The following UBR3 variants were observed in gnomAD, a reference collection of about 807,000 sequenced individuals.
The protein encoded by UBR3 is ubiquitin protein ligase E3 component n-recognin 3.
In UBR3, 85 loss-of-function variants were observed where a neutral mutation model predicts 243.2. The ratio of observed to expected loss-of-function variants is 0.35; its 90% CI spans 0.29 to 0.42. The LOEUF is 0.42. UBR3 is among the 10% of genes least tolerant of loss of function. The probability of loss-of-function intolerance (pLI) is 1.00; values close to 1 mark genes in which losing one functional copy is unlikely to be tolerated. For missense variants in UBR3, 1,686 were observed against 2,300.8 expected, an observed-to-expected ratio of 0.73 and a Z score of 5.47; for synonymous variants, 748 against 799.8, an observed-to-expected ratio of 0.94 and a Z score of 1.09.
At chr2:169,979,756 A>C (rs2088633684) in intron 24 of UBR3, among the ~76,000 whole-genome samples, 1 of 152,238 alleles carries the variant, frequency 6.6e-6, no homozygotes, top group Non-Finnish European at 1.5e-5. Context: ...CAGGTGAATA[A>C]ATGAAACATG....
At chr2:169,949,165 T>G (rs2086907061) in intron 22 of UBR3, among the ~76,000 whole-genome samples, 1 of 152,090 alleles carries the variant, frequency 6.6e-6, no homozygotes, top group African/African-American at 2.4e-5. Context: ...ATTTATTAGC[T>G]TAGAAAATTT....
chr2:170,038,253 G>A (rs557240099), intron 31 of UBR3, among the ~76,000 whole-genome samples: 1 of 152,088 alleles, frequency 6.6e-6, no homozygotes, highest in South Asian at 2.1e-4. Flanking sequence ...AGTGAAATTG[G>A]GCTAGCTTAA....
Position 169,926,830 on chromosome 2 carries a change from T to G in UBR3, c.2205-8T>G. On this transcript the variant is annotated splice_region_variant and splice_polypyrimidine_tract_variant and intron_variant, in intron 15 of 38. Coordinates refer to ENST00000272793, the MANE Select transcript of UBR3 (RefSeq NM_172070.4). ...ATAAAAATATGTTTCAAATATTTCT[T>G]CTTGTAGATTTAAGGTAGTGGATTT... 6.5e-7 allele frequency: 1 copy of G among 1,547,276 alleles called. No individual in the cohort carries two copies. The highest frequency in any genetic ancestry group is 8.7e-7 in the Non-Finnish European group (1 of 1,144,978).
At chr2:170,020,478 G>A (rs1322317455) in intron 30 of UBR3, among the ~76,000 whole-genome samples, 1 of 152,248 alleles carries the variant, frequency 6.6e-6, no homozygotes, top group Non-Finnish European at 1.5e-5. Context: ...ATGTGCTTAG[G>A]CAAGACATTT....
intron 8 of UBR3, among the ~76,000 whole-genome samples, chr2:169,904,142 C>T (rs774177715): frequency 1.3e-5 from 2 of 151,998 alleles, no homozygotes; most frequent in African/African-American, 4.8e-5. Context: ...TTTTTCCTGG[C>T]ACTTGTTTTT....
rs571192052 is a variant in UBR3, at chr2:169,866,623, A to G, written c.546-5613A>G. On this transcript the variant is annotated intron_variant, in intron 1 of 38. Coordinates refer to ENST00000272793, the MANE Select transcript of UBR3 (RefSeq NM_172070.4). ...AGTGATTCGCCCACCTCGGCCCCCC[A>G]AAGTACTGGGATTACAGGTGTGAGC... Among the ~76,000 whole-genome samples, 26 of 152,320 alleles carry G rather than the reference A, an allele frequency of 1.7e-4. 2 individuals are homozygous for G. In the South Asian group the frequency reaches 4.6e-3, roughly 27 times the overall value.
At chr2:169,841,504 A>G (rs141729153) in intron 1 of UBR3, among the ~76,000 whole-genome samples, 6,631 of 152,158 alleles carry the variant, frequency 0.044, 166 homozygotes, top group Middle Eastern at 0.068. Flanking sequence ...GCTGGAGCCC[A>G]CTTCCTCAGC....
At chr2:169,957,016 C>T (rs1227379829) in intron 23 of UBR3, among the ~76,000 whole-genome samples, 2 of 152,148 alleles carry the variant, frequency 1.3e-5, no homozygotes, top group Non-Finnish European at 2.9e-5. Flanking sequence ...ATCAGTTCCT[C>T]TTTGAGTTTT....
intron 32 of UBR3, among the ~76,000 whole-genome samples, chr2:170,043,285 T>C (rs1183548365): frequency 6.6e-6 from 1 of 152,174 alleles, no homozygotes; most frequent in Non-Finnish European, 1.5e-5. Flanking sequence ...AAGGACCTGT[T>C]GTGTCAGTGT....
At chr2:169,852,740 A>G (rs2082698001) in intron 1 of UBR3, among the ~76,000 whole-genome samples, 1 of 148,898 alleles carries the variant, frequency 6.7e-6, no homozygotes, top group African/African-American at 2.5e-5. Flanking sequence ...AATCCCAGCT[A>G]TTCAGGAGGC....
At chr2:169,927,179 A>G in intron 16 of UBR3, 141 bp from the exon 17 acceptor site, 1 of 964,772 alleles carries the variant, frequency 1.0e-6, no homozygotes, top group Admixed American at 2.8e-5. Context: ...AACTGCAGTT[A>G]TGTTTGGAGC....
At chr2:169,884,745 T>C (rs1238287784) in intron 5 of UBR3, among the ~76,000 whole-genome samples, 1 of 151,620 alleles carries the variant, frequency 6.6e-6, no homozygotes, top group Non-Finnish European at 1.5e-5. Context: ...GTTTGCGCGA[T>C]TTATTTGGAA....
intron 20 of UBR3, among the ~76,000 whole-genome samples, chr2:169,944,425 A>T (rs1053596829): frequency 6.6e-6 from 1 of 152,162 alleles, no homozygotes; most frequent in South Asian, 2.1e-4. Flanking sequence ...ATATTTTTCA[A>T]TTTTTTGTAT....
rs746118667 is a variant in UBR3 at position 170,008,904 on chromosome 2, C to T, written c.4331C>T (p.Pro1444Leu). The change falls in exon 29 of 39, where the codon CCA becomes CTA. Residue 1444 changes from proline (P) to leucine (L), a missense_variant. Physicochemically the swap from Pro to Leu is moderately conservative, Grantham distance 98. Coordinates refer to ENST00000272793, the MANE Select transcript of UBR3 (RefSeq NM_172070.4). Reference sequence around the variant, plus strand: ...GACTATAGCAAGACCCCGGGCTCACCAGACAATGATTTTCTCTTTATGTAC... The same window carrying T: ...GACTATAGCAAGACCCCGGGCTCACTAGACAATGATTTTCTCTTTATGTAC... Reference protein sequence around the residue: ...YRDYSKTPGSPDNDFLFMYSV... With the variant: ...YRDYSKTPGSLDNDFLFMYSV... 5 of 1,597,774 alleles carry T rather than the reference C, an allele frequency of 3.1e-6. No individual in the cohort carries two copies. In the South Asian group the frequency reaches 5.7e-5, roughly 18 times the overall value.
chr2:169,947,375 A>T, intron 21 of UBR3, 167 bp from the exon 22 acceptor site: 1 of 473,692 alleles, frequency 2.1e-6, no homozygotes. Flanking sequence ...TTTTGTTTGA[A>T]TTTGGTTTTA....
rs752569453 is a variant in UBR3 at position 170,040,854 on chromosome 2, AT to A, written c.4557-27del. The A allele has an allele frequency of 2.6e-6, 4 of 1,524,868 alleles. No homozygotes were observed. In the Admixed American group the frequency reaches 6.7e-5, roughly 26 times the overall value. 94.5% of individuals were successfully genotyped at this position (1,524,868 alleles called of 1,614,324 possible). On this transcript the variant is annotated intron_variant, in intron 31 of 38. Transcript: ENST00000272793. ...TTAGAAAGAGAAGATATACAATACT[AT>A]GTAAAGTGACTACATTTTTCTTTTA...
At chr2:169,828,232 AGG>A (rs1354910244) in intron 1 of UBR3, among the ~76,000 whole-genome samples, 180 bp downstream of exon 1, 3 of 151,776 alleles carry the variant, frequency 2.0e-5, no homozygotes, top group Non-Finnish European at 4.4e-5. Context: ...GGGGAGGAGA[AGG>A]AGGGGAGAGG....
At chr2:170,058,259 T>A (rs1262281599) in intron 33 of UBR3, among the ~76,000 whole-genome samples, 2 of 152,186 alleles carry the variant, frequency 1.3e-5, no homozygotes, top group Non-Finnish European at 2.9e-5. Flanking sequence ...TTTGGCATAC[T>A]AATTGTAATG....
chr2:169,842,225 C>G (rs1455566248), intron 1 of UBR3, among the ~76,000 whole-genome samples: 1 of 152,156 alleles, frequency 6.6e-6, no homozygotes, highest in Non-Finnish European at 1.5e-5. Flanking sequence ...AATCGACACT[C>G]TGTATCTAGC....
Sources: allele counts gnomAD v4.1 joint callset (sites outside exome capture counted in the v4.1 genomes callset), GRCh38; gene constraint gnomAD v4.1.1; transcripts MANE v1.5; gene names NCBI Gene and HGNC (gene_info 2026-07-23, HGNC 2026-07-21).